The following METAP2 variants were observed in gnomAD, a reference collection of about 807,000 sequenced individuals.
METAP2 encodes methionine aminopeptidase 2.
A neutral mutation model predicts 59.4 loss-of-function variants in METAP2; 25 were observed. The observed-to-expected ratio is 0.42, with a 90% CI of 0.31 to 0.59. The LOEUF (loss-of-function observed/expected upper bound fraction) is 0.59. Among genes scored for constraint, METAP2 ranks in the 20% least tolerant of loss-of-function variants. The pLI is 0.16. For missense variants in METAP2, 366 were observed against 581.2 expected (o/e 0.63, Z 3.81); for synonymous variants, 214 against 194.1 (o/e 1.10, Z -0.85).
chr12:95,494,283 TATA>T, intron 5 of METAP2, 66 bp downstream of exon 5: 2 of 1,440,350 alleles, frequency 1.4e-6, no homozygotes, highest in Non-Finnish European at 1.9e-6. Flanking sequence ...ACTCTCCAAT[TATA>T]ATGTTTGGCT....
chr12:95,486,720 C>T (rs2076199929), intron 4 of METAP2, among the ~76,000 whole-genome samples: 1 of 152,132 alleles, frequency 6.6e-6, no homozygotes, highest in African/African-American at 2.4e-5. Flanking sequence ...TGGTCTTGAA[C>T]TCCCAACCTC....
intron 4 of METAP2, among the ~76,000 whole-genome samples, chr12:95,489,757 G>A (rs1469702179): frequency 6.6e-6 from 1 of 152,178 alleles, no homozygotes; most frequent in Non-Finnish European, 1.5e-5. Context: ...AGAATCTCTT[G>A]AACCTGGGAG....
chr12:95,513,389 A>G (rs2076419128), intron 10 of METAP2, among the ~76,000 whole-genome samples: 1 of 152,138 alleles, frequency 6.6e-6, no homozygotes, highest in South Asian at 2.1e-4. Flanking sequence ...CTAGTGGGGA[A>G]TATAACACAC....
chr12:95,477,781 A>G (rs1334808694), intron 2 of METAP2, among the ~76,000 whole-genome samples: 3 of 152,148 alleles, frequency 2.0e-5, no homozygotes, highest in Non-Finnish European at 4.4e-5. Context: ...TTAGAGTGGT[A>G]TGTTCTCTGC....
chr12:95,476,539 A>C (rs981908861), intron 2 of METAP2, among the ~76,000 whole-genome samples: 1 of 148,784 alleles, frequency 6.7e-6, no homozygotes, highest in Non-Finnish European at 1.5e-5. Flanking sequence ...AGAAAGAAAG[A>C]AAAGCTAGAA....
intron 3 of METAP2, among the ~76,000 whole-genome samples, chr12:95,485,404 C>T (rs948619501): frequency 6.6e-6 from 1 of 151,992 alleles, no homozygotes; most frequent in African/African-American, 2.4e-5. Flanking sequence ...ACAAAAGTTA[C>T]GATTTCAGAA....
chr12:95,483,147 C>G, intron 2 of METAP2, 68 bp from the exon 3 acceptor site: 1 of 1,166,630 alleles, frequency 8.6e-7, no homozygotes, highest in Non-Finnish European at 1.3e-6. Flanking sequence ...TACTTGTCTC[C>G]TTGTACTTGC....
chr12:95,512,750 C>G (rs142816407), intron 9 of METAP2, 51 bp from the exon 10 acceptor site: 1 of 964,192 alleles, frequency 1.0e-6, no homozygotes, highest in South Asian at 1.4e-5. Flanking sequence ...AATTGTGATT[C>G]GTTCTGAATT....
At chr12:95,485,210 A>T (rs1438614487) in intron 3 of METAP2, among the ~76,000 whole-genome samples, 1 of 152,180 alleles carries the variant, frequency 6.6e-6, no homozygotes, top group African/African-American at 2.4e-5. Flanking sequence ...CTATTTAGCC[A>T]TTTGTTCAAG....
At position 95,486,889 on chromosome 12, in the gene METAP2, C is replaced by T. The variant is rs1192616379; in HGVS notation, c.428+908C>T. Among the ~76,000 whole-genome samples the T allele has an allele frequency of 3.3e-5, 5 of 152,302 alleles. No individual in the cohort carries two copies. The East Asian group carries it at 9.6e-4, about 29-fold the overall frequency. ...AATTCACCTGATTCTTCAAGGTGTTCTGTAAGGATACATTTAAAATGGTTA... is the reference window on the plus strand; with the variant it reads ...AATTCACCTGATTCTTCAAGGTGTTTTGTAAGGATACATTTAAAATGGTTA... On this transcript the variant is annotated intron_variant, in intron 4 of 10. Transcript: ENST00000323666.
chr12:95,510,173 C>G (rs1361668973), intron 8 of METAP2, among the ~76,000 whole-genome samples: 1 of 152,026 alleles, frequency 6.6e-6, no homozygotes, highest in Non-Finnish European at 1.5e-5. Flanking sequence ...AATATTAACA[C>G]AAAATGCACA....
At chr12:95,483,748 A>T (rs1216126312) in intron 3 of METAP2, among the ~76,000 whole-genome samples, 1 of 152,178 alleles carries the variant, frequency 6.6e-6, no homozygotes, top group African/African-American at 2.4e-5. Context: ...ATGATTTAAA[A>T]CTTGCATAAT....
intron 8 of METAP2, among the ~76,000 whole-genome samples, chr12:95,508,951 G>C (rs898609166): frequency 7.7e-6 from 1 of 130,126 alleles, no homozygotes; most frequent in African/African-American, 3.2e-5. Flanking sequence ...GAAAAATCAT[G>C]ATAATAGGGA....
intron 5 of METAP2, 107 bp downstream of exon 5, chr12:95,494,324 G>A (rs1205867399): frequency 9.3e-7 from 1 of 1,079,914 alleles, no homozygotes; most frequent in Non-Finnish European, 1.3e-6. Flanking sequence ...AAATCTTTAA[G>A]TAAAGGTTGT....
intron 2 of METAP2, among the ~76,000 whole-genome samples, chr12:95,477,988 A>G (rs982418169): frequency 1.3e-5 from 2 of 152,220 alleles, no homozygotes; most frequent in African/African-American, 4.8e-5. Flanking sequence ...CACTGTGTAT[A>G]TGGTATCATA....
Position 95,507,164 on chromosome 12 carries a change from G to C in METAP2, c.964+3003G>C, listed in dbSNP as rs17024318. 9.1e-3 allele frequency among the ~76,000 whole-genome samples: 1,393 copies of C among 152,304 alleles called. 28 individuals are homozygous for C. Among genetic ancestry groups the C allele is most frequent in the African/African-American group, 0.032 (1,334 of 41,546 alleles). On this transcript the variant is annotated intron_variant, in intron 8 of 10. Transcript: ENST00000323666. ...CAGGCAGTTTTTACTTGGAGTCTTA[G>C]ATAAATCTGTAACCTGAATACCCAA...
At chr12:95,509,880 C>A (rs960990852) in intron 8 of METAP2, among the ~76,000 whole-genome samples, 1 of 148,040 alleles carries the variant, frequency 6.8e-6, no homozygotes, top group African/African-American at 2.5e-5. Flanking sequence ...ACTCTGTCGC[C>A]CAGACTGGAG....
intron 2 of METAP2, among the ~76,000 whole-genome samples, chr12:95,478,108 C>T (rs1322761440): frequency 8.6e-5 from 13 of 151,960 alleles, no homozygotes; most frequent in African/African-American, 2.9e-4. Context: ...TGTCTATACC[C>T]GTCCACCTCC....
chr12:95,512,237 GC>G (rs2076408225), intron 9 of METAP2, among the ~76,000 whole-genome samples: 1 of 152,162 alleles, frequency 6.6e-6, no homozygotes, highest in African/African-American at 2.4e-5. Flanking sequence ...TATTTATTGA[GC>G]ATTCTCAGGT....
Sources: gnomAD v4.1 joint callset for allele counts (sites outside exome capture counted in the v4.1 genomes callset) on GRCh38, gnomAD v4.1.1 for gene constraint, MANE v1.5 for transcripts, NCBI Gene and HGNC (gene_info 2026-07-23, HGNC 2026-07-21) for gene names.